Variants in C14orf132 observed in about 807,000 individuals in gnomAD.
The protein encoded by C14orf132 is uncharacterized protein C14orf132.
C14orf132 carries 6 observed loss-of-function variants against 5.8 expected under a neutral mutation model. The observed-to-expected ratio is 1.03, with a 90% CI of 0.57 to 2.04. C14orf132 has a LOEUF of 2.04. Ranked by LOEUF, C14orf132 falls within the 30% of genes most tolerant of loss-of-function variation. C14orf132 has a pLI of 0.00. For synonymous variants in C14orf132, 51 were observed against 49.8 expected (o/e 1.02, Z -0.10); for missense variants, 125 against 115.8 (o/e 1.08, Z -0.37).
intron 1 of C14orf132, among the ~76,000 whole-genome samples, chr14:96,050,681 C>T (rs1001675805): frequency 2.0e-5 from 3 of 152,102 alleles, no homozygotes; most frequent in African/African-American, 7.2e-5. Flanking sequence ...TCAGAGAGTC[C>T]ATTGAGCCCT....
intron 1 of C14orf132, among the ~76,000 whole-genome samples, chr14:96,046,114 A>G (rs1886826271): frequency 6.6e-6 from 1 of 152,164 alleles, no homozygotes; most frequent in Admixed American, 6.5e-5. Flanking sequence ...TCCAGGTAGA[A>G]GCTGCAGGCT....
chr14:96,072,016 TACTC>T (rs1180785667), intron 1 of C14orf132, among the ~76,000 whole-genome samples: 1 of 152,184 alleles, frequency 6.6e-6, no homozygotes, highest in African/African-American at 2.4e-5. Flanking sequence ...AGTTGCCTCT[TACTC>T]AGACTCCACA....
intron 1 of C14orf132, among the ~76,000 whole-genome samples, chr14:96,075,961 C>T (rs1887853448): frequency 6.6e-6 from 1 of 152,086 alleles, no homozygotes; most frequent in Admixed American, 6.5e-5. Context: ...AATGTTCTCT[C>T]CTCTTATTTT....
At chr14:96,048,263 CT>C (rs2139644966) in intron 1 of C14orf132, among the ~76,000 whole-genome samples, 1 of 152,288 alleles carries the variant, frequency 6.6e-6, no homozygotes, top group South Asian at 2.1e-4. Context: ...ATTCTGTGGG[CT>C]TGGACAAAAG....
intron 1 of C14orf132, among the ~76,000 whole-genome samples, chr14:96,041,870 G>T (rs1038173758): frequency 6.6e-6 from 1 of 152,190 alleles, no homozygotes; most frequent in Non-Finnish European, 1.5e-5. Context: ...TTTTCTTTCT[G>T]CATGTTTATA....
chr14:96,059,543 T>C (rs1268585346), intron 1 of C14orf132, among the ~76,000 whole-genome samples: 1 of 152,192 alleles, frequency 6.6e-6, no homozygotes, highest in Non-Finnish European at 1.5e-5. Flanking sequence ...AGGTCATGTT[T>C]GGGCATCCTT....
intron 1 of C14orf132, among the ~76,000 whole-genome samples, chr14:96,065,697 C>T (rs1887510854): frequency 6.6e-6 from 1 of 151,418 alleles, no homozygotes; most frequent in South Asian, 2.1e-4. Flanking sequence ...AAGGTCTGTT[C>T]AGCCAATGAA....
intron 1 of C14orf132, among the ~76,000 whole-genome samples, chr14:96,079,276 G>A (rs1887963773): frequency 6.6e-6 from 1 of 152,164 alleles, no homozygotes; most frequent in Admixed American, 6.5e-5. Context: ...AGGAAGCTGA[G>A]GCATTGGATG....
chr14:96,080,796 C>T (rs1888008103), intron 1 of C14orf132, among the ~76,000 whole-genome samples: 1 of 152,130 alleles, frequency 6.6e-6, no homozygotes, highest in Non-Finnish European at 1.5e-5. Context: ...TCAGCCACCC[C>T]ATGCTACATG....
intron 1 of C14orf132, among the ~76,000 whole-genome samples, chr14:96,075,134 G>T (rs1316184766): frequency 6.6e-6 from 1 of 152,104 alleles, no homozygotes; most frequent in Non-Finnish European, 1.5e-5. Context: ...CACGTATTTT[G>T]TTAGATCTAG....
intron 1 of C14orf132, among the ~76,000 whole-genome samples, chr14:96,072,869 C>A (rs1311180470): frequency 6.6e-6 from 1 of 152,198 alleles, no homozygotes; most frequent in Non-Finnish European, 1.5e-5. Context: ...AGACAGTTTG[C>A]CCATTTACCA....
At chr14:96,067,571 C>T (rs1351733711) in intron 1 of C14orf132, among the ~76,000 whole-genome samples, 3 of 151,864 alleles carry the variant, frequency 2.0e-5, no homozygotes, top group Non-Finnish European at 4.4e-5. Context: ...TGGTGGTGGG[C>T]ACCTATAATC....
At chr14:96,058,664 T>C (rs1887253270) in intron 1 of C14orf132, among the ~76,000 whole-genome samples, 1 of 152,100 alleles carries the variant, frequency 6.6e-6, no homozygotes, top group South Asian at 2.1e-4. Context: ...GTCTGTGCCC[T>C]CAAGCAGAAA....
chr14:96,082,612 A>G (rs11627834), intron 1 of C14orf132, among the ~76,000 whole-genome samples: 57,965 of 152,078 alleles, frequency 0.38, 11,232 homozygotes, highest in East Asian at 0.53. Context: ...CTCAGCATAC[A>G]CTAGGGGGCA....
At chr14:96,065,777 T>C (rs926354173) in intron 1 of C14orf132, among the ~76,000 whole-genome samples, 1 of 152,066 alleles carries the variant, frequency 6.6e-6, no homozygotes, top group African/African-American at 2.4e-5. Flanking sequence ...TTCTGCTCAG[T>C]GGCAAGGAAT....
At chr14:96,048,417 G>T (rs759635760) in intron 1 of C14orf132, among the ~76,000 whole-genome samples, 1 of 152,112 alleles carries the variant, frequency 6.6e-6, no homozygotes. Flanking sequence ...CTTTTCCAGG[G>T]TATCATAGTT....
At chr14:96,079,413 C>A (rs1203791150) in intron 1 of C14orf132, among the ~76,000 whole-genome samples, 2 of 152,170 alleles carry the variant, frequency 1.3e-5, no homozygotes. Flanking sequence ...AATGTCTTCA[C>A]CCCGTCGAAA....
Position 96,067,222 on chromosome 14 carries a change from C to T in C14orf132, c.28-19289C>T, listed in dbSNP as rs149584613. 2.6e-5 allele frequency among the ~76,000 whole-genome samples: 4 copies of T among 152,294 alleles called. 1 individual carries two copies. The highest frequency in any genetic ancestry group is 1.9e-4 in the East Asian group (1 of 5,188). On this transcript the variant is annotated intron_variant, in intron 1 of 1. Transcript: ENST00000555004. ...CCAGCACTTCTGTCAAAGGCAGTCG[C>T]GCCAGCAGCAAGGTGGCCGCGTGAG...
At chr14:96,072,359 C>T (rs527765563) in intron 1 of C14orf132, among the ~76,000 whole-genome samples, 2 of 152,292 alleles carry the variant, frequency 1.3e-5, no homozygotes, top group South Asian at 4.1e-4. Context: ...GCTTGGGCCT[C>T]AGCTGAGTCT....
Sources: allele counts gnomAD v4.1 joint callset (sites outside exome capture counted in the v4.1 genomes callset), GRCh38; gene constraint gnomAD v4.1.1; transcripts MANE v1.5; gene names NCBI Gene and HGNC (gene_info 2026-07-23, HGNC 2026-07-21).